KCNQ3: variants seen among roughly 807,000 people sequenced by gnomAD.
KCNQ3 encodes the protein potassium voltage-gated channel subfamily KQT member 3.
Under a neutral mutation model 92.5 loss-of-function variants are expected in KCNQ3, and 30 were observed. That is an observed-to-expected ratio of 0.32 (90% CI 0.24 to 0.44). The LOEUF is 0.44. KCNQ3 is among the 20% of genes least tolerant of loss of function. The pLI is 1.00. For missense variants in KCNQ3, 913 were observed against 1,140.3 expected, an observed-to-expected ratio of 0.80 and a Z score of 2.87; for synonymous variants, 450 against 468.8, an observed-to-expected ratio of 0.96 and a Z score of 0.52.
chr8:132,333,116 A>T (rs1305669419), intron 1 of KCNQ3, among the ~76,000 whole-genome samples: 1 of 152,166 alleles, frequency 6.6e-6, no homozygotes, highest in East Asian at 1.9e-4. Context: ...TTCCATTGGC[A>T]TTCATCCTCA....
At chr8:132,322,420 A>C (rs1026414523) in intron 1 of KCNQ3, among the ~76,000 whole-genome samples, 2 of 152,182 alleles carry the variant, frequency 1.3e-5, no homozygotes, top group Non-Finnish European at 2.9e-5. Context: ...TTACTGGGGC[A>C]GGAAACTCAG....
intron 1 of KCNQ3, among the ~76,000 whole-genome samples, chr8:132,332,980 A>G (rs1818269856): frequency 6.6e-6 from 1 of 152,176 alleles, no homozygotes; most frequent in South Asian, 2.1e-4. Flanking sequence ...CTTTGAATCC[A>G]CAACACTTGT....
At chr8:132,204,682 G>T (rs953069080) in intron 1 of KCNQ3, among the ~76,000 whole-genome samples, 1 of 152,166 alleles carries the variant, frequency 6.6e-6, no homozygotes, top group Non-Finnish European at 1.5e-5. Context: ...GGTAGATCTA[G>T]GTTTAACTTC....
intron 1 of KCNQ3, among the ~76,000 whole-genome samples, chr8:132,227,476 G>T (rs528437624): frequency 1.3e-5 from 2 of 152,292 alleles, no homozygotes; most frequent in Admixed American, 6.5e-5. Context: ...AGTCTAAAAG[G>T]AAGGCCTCTG....
chr8:132,386,194 G>A (rs1431834034), intron 1 of KCNQ3, among the ~76,000 whole-genome samples: 1 of 152,056 alleles, frequency 6.6e-6, no homozygotes, highest in Non-Finnish European at 1.5e-5. Flanking sequence ...ATCCAAAGCT[G>A]TCCTTAGAGG....
At chr8:132,339,516 G>A (rs576111131) in intron 1 of KCNQ3, among the ~76,000 whole-genome samples, 110 of 152,228 alleles carry the variant, frequency 7.2e-4, no homozygotes, top group Non-Finnish European at 1.4e-3. Flanking sequence ...TATGAGTTTG[G>A]ATCCTTAAGA....
At chr8:132,303,879 CATATA>C (rs1817336098) in intron 1 of KCNQ3, among the ~76,000 whole-genome samples, 1 of 150,614 alleles carries the variant, frequency 6.6e-6, no homozygotes. Context: ...TATATATACA[CATATA>C]ATATTTTACA....
At chr8:132,250,540 C>T (rs914238927) in intron 1 of KCNQ3, among the ~76,000 whole-genome samples, 19 of 151,996 alleles carry the variant, frequency 1.3e-4, no homozygotes, top group African/African-American at 4.6e-4. Context: ...CAGGCTAAAA[C>T]AAGGCTAAAG....
At chr8:132,453,955 T>C (rs1274812753) in intron 1 of KCNQ3, among the ~76,000 whole-genome samples, 1 of 152,138 alleles carries the variant, frequency 6.6e-6, no homozygotes, top group Non-Finnish European at 1.5e-5. Context: ...GGGGTTTGGT[T>C]TGGAACTCAG....
chr8:132,448,586 T>C (rs1821748629), intron 1 of KCNQ3, among the ~76,000 whole-genome samples: 3 of 151,080 alleles, frequency 2.0e-5, no homozygotes, highest in South Asian at 4.2e-4. Flanking sequence ...GTGCTTGCAG[T>C]GAATTCTGCG....
rs151076291 is a variant in KCNQ3 at position 132,385,516 on chromosome 8, CTAA to C, written c.386+94628_386+94630del. On this transcript the variant is annotated intron_variant, in intron 1 of 14. Transcript: ENST00000388996. ...GGAAGGTTGTGTCCTCAAGAATGGA[CTAA>C]TGTTATCCAGGGAGTGGGTTAGTCA... is the stretch of plus-strand genomic sequence containing the variant. Among the ~76,000 whole-genome samples the C allele has an allele frequency of 2.0e-4, 31 of 152,334 alleles. No individual in the cohort carries two copies. The East Asian group carries it at 4.4e-3, about 22-fold the overall frequency.
chr8:132,215,921 C>T (rs535078077), intron 1 of KCNQ3, among the ~76,000 whole-genome samples: 3 of 152,090 alleles, frequency 2.0e-5, no homozygotes, highest in South Asian at 2.1e-4. Flanking sequence ...TTGCTCAGGA[C>T]GCCTCATCTT....
chr8:132,255,112 T>TC (rs111759747), intron 1 of KCNQ3, among the ~76,000 whole-genome samples: 7 of 149,372 alleles, frequency 4.7e-5, no homozygotes, highest in African/African-American at 1.2e-4. Flanking sequence ...CAATGCCCCC[T>TC]CCCCCCCACC....
chr8:132,134,244 CA>C, intron 13 of KCNQ3, 45 bp downstream of exon 13: 1 of 1,466,822 alleles, frequency 6.8e-7, no homozygotes. Context: ...GGATGCTTTA[CA>C]AACTTTGCAC....
intron 1 of KCNQ3, among the ~76,000 whole-genome samples, chr8:132,460,544 G>A (rs1469617388): frequency 1.3e-5 from 2 of 152,074 alleles, no homozygotes; most frequent in African/African-American, 2.4e-5. Flanking sequence ...CACACCCCAT[G>A]GGAAACAACA....
chr8:132,168,156 C>T lies in KCNQ3; in HGVS notation c.1235+2178G>A, dbSNP rs576028111. 4.6e-5 allele frequency among the ~76,000 whole-genome samples: 7 copies of T among 152,272 alleles called. No individual in the cohort carries two copies. In the South Asian group the frequency reaches 1.5e-3, roughly 32 times the overall value. On this transcript the variant is annotated intron_variant, in intron 8 of 14. Transcript: ENST00000388996. ...CCTTTTGCCTGTTCTCTTTCAGGTC[C>T]TCCTTCTACTCCCCCTTCGAACTGC...
At chr8:132,410,794 T>C (rs1820631863) in intron 1 of KCNQ3, among the ~76,000 whole-genome samples, 1 of 152,228 alleles carries the variant, frequency 6.6e-6, no homozygotes, top group African/African-American at 2.4e-5. Context: ...AGAGAGATTT[T>C]TGGAGACCGC....
chr8:132,326,902 C>G lies in KCNQ3; in HGVS notation c.387-140721G>C, dbSNP rs180771223. The stretch of plus-strand genomic sequence containing the variant: ...TCATTTGCCTTATCAAAGAGACTAC[C>G]TCGACCATCTCACCTAATACAGCAA... On this transcript the variant is annotated intron_variant, in intron 1 of 14. Transcript: ENST00000388996. Among the ~76,000 whole-genome samples the G allele has an allele frequency of 3.9e-5, 6 of 152,206 alleles. 1 individual carries two copies. The highest frequency in any genetic ancestry group is 2.0e-4 in the Admixed American group (3 of 15,282).
chr8:132,449,286 T>C (rs1053928884), intron 1 of KCNQ3, among the ~76,000 whole-genome samples: 1 of 152,064 alleles, frequency 6.6e-6, no homozygotes, highest in African/African-American at 2.4e-5. Context: ...GCAGAGTCAC[T>C]CTTGCAAAAC....
Sources: allele counts gnomAD v4.1 joint callset (sites outside exome capture counted in the v4.1 genomes callset), GRCh38; gene constraint gnomAD v4.1.1; transcripts MANE v1.5; gene names NCBI Gene and HGNC (gene_info 2026-07-23, HGNC 2026-07-21).